The following ALG6 variants were observed in gnomAD, a reference collection of about 807,000 sequenced individuals.
ALG6 encodes dolichyl pyrophosphate Man9GlcNAc2 alpha-1,3-glucosyltransferase.
In ALG6, 46 loss-of-function variants were observed where a neutral mutation model predicts 66.6. The ratio of observed to expected loss-of-function variants is 0.69; its 90% confidence interval spans 0.55 to 0.88. The LOEUF is 0.88. Among genes scored for constraint, ALG6 ranks in the 40% least tolerant of loss-of-function variants. ALG6 has a pLI of 0.00. For synonymous variants in ALG6, 185 were observed against 203.7 expected (o/e 0.91, Z 0.78); for missense variants, 505 against 586.8 (o/e 0.86, Z 1.44).
Position 63,436,923 on chromosome 1 carries a change from T to C in ALG6, c.1427T>C (p.Phe476Ser), listed in dbSNP as rs777610537. 2 of 1,613,930 alleles carry C rather than the reference T, an allele frequency of 1.2e-6. No homozygotes were observed. The highest frequency in any genetic ancestry group is 1.7e-6 in the Non-Finnish European group (2 of 1,179,828). Residue 476 changes from phenylalanine to serine, a missense_variant, in exon 15 of 15, where the codon TTT becomes TCT. By Grantham distance (155) the Phe-to-Ser change is radical (BLOSUM62 -2). Coordinates refer to ENST00000263440, the MANE Select transcript of ALG6 (RefSeq NM_013339.4). The stretch of plus-strand genomic sequence containing the variant: ...GACTTGTTTTCTGTATTGGTGTGTT[T>C]TGTATCTTGCTTGAACTTCCTGTTC... ...LPDLFSVLVC[F>S]VSCLNFLFFL... is the part of the protein sequence containing the mutation.
intron 12 of ALG6, among the ~76,000 whole-genome samples, chr1:63,422,848 G>A (rs1644595315): frequency 6.6e-6 from 1 of 151,832 alleles, no homozygotes; most frequent in Non-Finnish European, 1.5e-5. Flanking sequence ...CCAGCTACTC[G>A]GGAGGGTGAG....
chr1:63,413,992 C>A, intron 9 of ALG6, 69 bp from the exon 10 acceptor site: 1 of 1,172,022 alleles, frequency 8.5e-7, no homozygotes, highest in Non-Finnish European at 1.3e-6. Context: ...AGATTATGGG[C>A]TGTACTTCAT....
chr1:63,382,454 C>T (rs899278344), intron 2 of ALG6, among the ~76,000 whole-genome samples: 4 of 151,680 alleles, frequency 2.6e-5, no homozygotes, highest in African/African-American at 7.3e-5. Flanking sequence ...CTGCCCGCCT[C>T]AGCGCCCAGC....
At chr1:63,389,543 G>T (rs1648605648) in intron 2 of ALG6, among the ~76,000 whole-genome samples, 1 of 152,130 alleles carries the variant, frequency 6.6e-6, no homozygotes, top group African/African-American at 2.4e-5. Flanking sequence ...TGTTTGAAAG[G>T]TCACATACCT....
rs924330655 is a variant in ALG6 at position 63,370,782 on chromosome 1, A to G, written c.-196A>G. Reference sequence around the variant, plus strand: ...TTTTTTCCCCTTAGGATACTTCTACATAGACATAATCAAGTTTTGACTATT... The same window carrying G: ...TTTTTTCCCCTTAGGATACTTCTACGTAGACATAATCAAGTTTTGACTATT... On this transcript the variant is annotated 5_prime_UTR_variant, in exon 2 of 15. Transcript: ENST00000263440. 1.3e-5 allele frequency: 8 copies of G among 617,604 alleles called. No homozygotes were observed. The highest frequency in any genetic ancestry group is 7.6e-5 in the South Asian group (4 of 52,530). The allele number at this position is 617,604 out of a possible 1,614,324, so 38.3% of individuals were successfully genotyped here.
intron 1 of ALG6, among the ~76,000 whole-genome samples, chr1:63,369,960 AGGCG>A (rs1647859732): frequency 6.6e-6 from 1 of 152,082 alleles, no homozygotes; most frequent in Non-Finnish European, 1.5e-5. Context: ...CTGGGATCAC[AGGCG>A]AGCGCCACCA....
intron 12 of ALG6, chr1:63,428,418 C>T (rs1429568528): frequency 4.7e-6 from 1 of 210,674 alleles, no homozygotes; most frequent in African/African-American, 2.3e-5. Flanking sequence ...TGTGACAAAG[C>T]CTTCTCAGAT....
At position 63,428,890 on chromosome 1, in the gene ALG6, A is replaced by T. The variant is rs1006356578; in HGVS notation, c.1128-38A>T. Reference sequence around the variant, plus strand: ...TATGAAGTGGTTATGGTTTGAATTGATAATTCTCTTGTGATTTTTAAAAAT... The same window carrying T: ...TATGAAGTGGTTATGGTTTGAATTGTTAATTCTCTTGTGATTTTTAAAAAT... On this transcript the variant is annotated intron_variant, in intron 13 of 14. Coordinates refer to ENST00000263440, the MANE Select transcript of ALG6 (RefSeq NM_013339.4). 7 of 1,597,052 alleles carry T rather than the reference A, an allele frequency of 4.4e-6. No individual in the cohort carries two copies. In the South Asian group the frequency reaches 7.8e-5, roughly 18 times the overall value.
chr1:63,426,364 G>T (rs1416401569), intron 12 of ALG6, among the ~76,000 whole-genome samples: 4 of 152,184 alleles, frequency 2.6e-5, no homozygotes, highest in African/African-American at 9.7e-5. Flanking sequence ...AGGGCAGAGG[G>T]CAGTACTGTC....
chr1:63,373,657 C>CTTTTTTTTTTTTTTTTTTTTTTTTT, intron 2 of ALG6, among the ~76,000 whole-genome samples: 1 of 114,760 alleles, frequency 8.7e-6, no homozygotes, highest in Non-Finnish European at 1.8e-5. Context: ...ATTTAATTTA[C>CTTTTTTTTTTTTTTTTTTTTTTTTT]ATTTTTTTTT....
intron 12 of ALG6, among the ~76,000 whole-genome samples, chr1:63,423,517 C>T (rs2100434922): frequency 6.6e-6 from 1 of 152,270 alleles, no homozygotes; most frequent in African/African-American, 2.4e-5. Flanking sequence ...TCCATTTTCC[C>T]TTCCCCGAGT....
At chr1:63,406,808 C>G (rs1385357534) in intron 6 of ALG6, among the ~76,000 whole-genome samples, 1 of 152,052 alleles carries the variant, frequency 6.6e-6, no homozygotes, top group Non-Finnish European at 1.5e-5. Context: ...GTTTGTGTAT[C>G]TGAAAGTACT....
chr1:63,383,823 A>C (rs912893963), intron 2 of ALG6, among the ~76,000 whole-genome samples: 1 of 151,614 alleles, frequency 6.6e-6, no homozygotes, highest in Non-Finnish European at 1.5e-5. Context: ...TACCCCACCC[A>C]CTCTTCTCAG....
At position 63,422,409 on chromosome 1, in the gene ALG6, A is replaced by G. The variant is rs185933948; in HGVS notation, c.1058+2969A>G. Among the ~76,000 whole-genome samples the G allele has an allele frequency of 8.5e-4, 13 of 15,280 alleles. 2 individuals carry two copies. The highest frequency in any genetic ancestry group is 3.8e-3 in the African/African-American group (10 of 2,600). 10.0% of individuals were successfully genotyped at this position (15,280 alleles called of 152,430 possible). On this transcript the variant is annotated intron_variant, in intron 12 of 14. Coordinates refer to ENST00000263440, the MANE Select transcript of ALG6 (RefSeq NM_013339.4). ...TATATATAAATATATATCTATATAA[A>G]TATAAATATATATATAAATATAAAT... is the stretch of plus-strand genomic sequence containing the variant.
Position 63,388,448 on chromosome 1 carries a change from CAAAT to C in ALG6, c.83-8062_83-8059del, listed in dbSNP as rs552647322. Among the ~76,000 whole-genome samples the C allele has an allele frequency of 4.8e-3, 733 of 152,286 alleles. 2 individuals carry two copies. Among genetic ancestry groups the C allele is most frequent in the Non-Finnish European group, 8.2e-3 (558 of 68,014 alleles). Reference sequence around the variant, plus strand: ...ACTTAATACTGATTGTAAAAACTAACAAATAAGCAAAGAGAAAATTAACAAAAAC... The same window carrying C: ...ACTTAATACTGATTGTAAAAACTAACAAGCAAAGAGAAAATTAACAAAAAC... On this transcript the variant is annotated intron_variant, in intron 2 of 14. Transcript: ENST00000263440.
At chr1:63,393,927 T>C (rs959706878) in intron 2 of ALG6, among the ~76,000 whole-genome samples, 13 of 152,164 alleles carry the variant, frequency 8.5e-5, no homozygotes, top group African/African-American at 3.1e-4. Context: ...TTCTGAGAGA[T>C]AGAGAGACAG....
intron 2 of ALG6, among the ~76,000 whole-genome samples, chr1:63,376,246 AGTATTTGT>A (rs747154121): frequency 3.3e-4 from 50 of 152,320 alleles, no homozygotes; most frequent in Admixed American, 1.8e-3. Context: ...GCACATGGTA[AGTATTTGT>A]GTATTTAAAC....
chr1:63,370,141 C>A (rs1355228749), intron 1 of ALG6, among the ~76,000 whole-genome samples: 2 of 150,726 alleles, frequency 1.3e-5, no homozygotes, highest in Non-Finnish European at 3.0e-5. Flanking sequence ...TACTTTAAAA[C>A]CCCAACCTAA....
chr1:63,406,732 AATTC>A (rs1211862230), intron 6 of ALG6, among the ~76,000 whole-genome samples: 1 of 152,060 alleles, frequency 6.6e-6, no homozygotes, highest in African/African-American at 2.4e-5. Context: ...GTATATTCTT[AATTC>A]ATAGTTATCA....
Sources: gnomAD v4.1 joint callset for allele counts (sites outside exome capture counted in the v4.1 genomes callset) on GRCh38, gnomAD v4.1.1 for gene constraint, MANE v1.5 for transcripts, NCBI Gene and HGNC (gene_info 2026-07-23, HGNC 2026-07-21) for gene names.